Variants in PLEKHM3 observed in about 807,000 individuals in gnomAD.
The protein encoded by PLEKHM3 is pleckstrin homology domain-containing family M member 3.
Under a neutral mutation model 81.8 loss-of-function variants are expected in PLEKHM3, and 45 were observed. That is an observed-to-expected ratio of 0.55 (90% CI 0.43 to 0.71). PLEKHM3 has a LOEUF of 0.71. Ranked by LOEUF, PLEKHM3 falls within the 30% of genes least tolerant of loss-of-function variation. The pLI, the probability that PLEKHM3 is intolerant of heterozygous loss-of-function variation, is 0.00. For synonymous variants in PLEKHM3, 352 were observed against 356.4 expected (o/e 0.99, Z 0.14); for missense variants, 788 against 924.3 (o/e 0.85, Z 1.91).
chr2:207,934,035 C>A (rs1337596574), intron 4 of PLEKHM3, among the ~76,000 whole-genome samples: 1 of 152,054 alleles, frequency 6.6e-6, no homozygotes. Flanking sequence ...TTCCTAAGTT[C>A]TAAATGACCC....
intron 2 of PLEKHM3, among the ~76,000 whole-genome samples, chr2:207,978,930 C>G (rs1691424730): frequency 6.6e-6 from 1 of 152,162 alleles, no homozygotes; most frequent in Admixed American, 6.5e-5. Context: ...GCTGTCTTTC[C>G]TGCTGGACAA....
At chr2:207,851,264 G>C (rs1304246766) in intron 7 of PLEKHM3, 2 of 149,628 alleles carry the variant, frequency 1.3e-5, no homozygotes, top group Admixed American at 6.7e-5. Context: ...TCATTGTTTT[G>C]TCAAAATGTT....
At chr2:207,934,056 C>T (rs1313816905) in intron 4 of PLEKHM3, among the ~76,000 whole-genome samples, 2 of 152,076 alleles carry the variant, frequency 1.3e-5, no homozygotes, top group African/African-American at 4.8e-5. Context: ...TCCACACTGG[C>T]ATGAGGATTG....
At chr2:207,841,480 A>AAAAAAAAT (rs2092353214) in intron 7 of PLEKHM3, among the ~76,000 whole-genome samples, 2 of 37,428 alleles carry the variant, frequency 5.3e-5, no homozygotes, top group African/African-American at 1.2e-4. Flanking sequence ...AAAAAAAAAA[A>AAAAAAAAT]ATATATATAT....
intron 1 of PLEKHM3, among the ~76,000 whole-genome samples, chr2:208,014,207 C>T (rs1692798543): frequency 1.3e-5 from 2 of 152,200 alleles, no homozygotes; most frequent in South Asian, 4.1e-4. Context: ...AAAACACTGT[C>T]TCTGACCCTC....
At chr2:207,853,505 G>T (rs966173133) in intron 7 of PLEKHM3, among the ~76,000 whole-genome samples, 5 of 151,892 alleles carry the variant, frequency 3.3e-5, no homozygotes, top group Non-Finnish European at 1.5e-5. Flanking sequence ...AGGCTGAGGT[G>T]GGTGGATCAC....
Position 207,976,901 on chromosome 2 carries a change from A to T in PLEKHM3, c.1296T>A (p.Asp432Glu). The part of the protein sequence containing the change: ...DSCFQVIFPQ[D>E]VLRLRAETRQ... ...GGGTCTCAGCTCGGAGGCGAAGGAC[A>T]TCCTGGGGGAAAATGACTTGAAAGC... Residue 432 changes from aspartate (D) to glutamate (E), a missense_variant, in exon 3 of 8, where the codon GAT becomes GAA. Asp to Glu is a conservative substitution (Grantham distance 45). Transcript: ENST00000427836. This position sits in a 1 kb window ranked among gnomAD's most constrained non-coding sequence, Gnocchi z 4.1. 1 of 1,614,226 alleles carries T rather than the reference A, an allele frequency of 6.2e-7. No individual in the cohort carries two copies. Among genetic ancestry groups the T allele is most frequent in the Non-Finnish European group, 8.5e-7 (1 of 1,180,036 alleles).
intron 7 of PLEKHM3, among the ~76,000 whole-genome samples, chr2:207,857,161 A>G (rs1042856275): frequency 1.3e-4 from 20 of 152,220 alleles, no homozygotes; most frequent in African/African-American, 4.1e-4. Flanking sequence ...GGCTCTAACT[A>G]TAACAGTAAA....
chr2:207,889,623 C>CA (rs973324139), intron 6 of PLEKHM3, among the ~76,000 whole-genome samples: 4 of 152,124 alleles, frequency 2.6e-5, no homozygotes, highest in Admixed American at 2.6e-4. Context: ...CAAGCGTACT[C>CA]AAAGCTCAAA....
intron 6 of PLEKHM3, 131 bp from the exon 7 acceptor site, chr2:207,861,393 G>T: frequency 9.3e-7 from 1 of 1,071,562 alleles, no homozygotes; most frequent in Non-Finnish European, 1.3e-6. Flanking sequence ...CAGCAACTCT[G>T]AGGAAGAAAA....
Position 207,977,269 on chromosome 2 carries a change from C to A in PLEKHM3, c.928G>T (p.Ala310Ser). 1 of 1,614,172 alleles carries A rather than the reference C, an allele frequency of 6.2e-7. No homozygotes were observed. Among genetic ancestry groups the A allele is most frequent in the Non-Finnish European group, 8.5e-7 (1 of 1,180,036 alleles). The part of the protein sequence containing the change: ...GQKLWEVVHA[A>S]VPGYMGRQNE... Reference sequence around the variant, plus strand: ...TGCCGCCCCATGTAACCGGGCACAGCAGCATGCACTACTTCCCAAAGCTTC... The same window carrying A: ...TGCCGCCCCATGTAACCGGGCACAGAAGCATGCACTACTTCCCAAAGCTTC... The change falls in exon 3 of 8, where the codon GCT becomes TCT. Residue 310 changes from alanine (A) to serine (S), a missense_variant. Coordinates refer to ENST00000427836, the MANE Select transcript of PLEKHM3 (RefSeq NM_001080475.3).
chr2:207,855,529 C>T (rs1480847920), intron 7 of PLEKHM3, among the ~76,000 whole-genome samples: 1 of 152,182 alleles, frequency 6.6e-6, no homozygotes, highest in Non-Finnish European at 1.5e-5. Flanking sequence ...GTGTGGGCTA[C>T]ACATAGTGAC....
At chr2:207,872,340 T>A (rs1436602115) in intron 6 of PLEKHM3, among the ~76,000 whole-genome samples, 1 of 152,218 alleles carries the variant, frequency 6.6e-6, no homozygotes, top group Non-Finnish European at 1.5e-5. Context: ...TGATCTGAAC[T>A]GGATCTGCCT....
intron 6 of PLEKHM3, among the ~76,000 whole-genome samples, chr2:207,878,820 G>GT (rs900273862): frequency 6.6e-6 from 1 of 151,700 alleles, no homozygotes; most frequent in Non-Finnish European, 1.5e-5. Context: ...CTAGAGCTGG[G>GT]TTTTTTTTAT....
At chr2:207,911,856 C>T (rs755111354) in intron 5 of PLEKHM3, among the ~76,000 whole-genome samples, 9 of 152,096 alleles carry the variant, frequency 5.9e-5, no homozygotes, top group African/African-American at 1.2e-4. Context: ...AAATGATTTA[C>T]GGCAGGGACA....
intron 3 of PLEKHM3, among the ~76,000 whole-genome samples, chr2:207,972,155 A>G (rs1232368819): frequency 1.3e-5 from 2 of 152,324 alleles, no homozygotes; most frequent in African/African-American, 2.4e-5. Flanking sequence ...AGGTGCATCC[A>G]AGTTTCTGGG....
At chr2:207,889,829 A>T (rs1247310209) in intron 6 of PLEKHM3, among the ~76,000 whole-genome samples, 1 of 151,878 alleles carries the variant, frequency 6.6e-6, no homozygotes, top group African/African-American at 2.4e-5. Context: ...TTTGAGACAG[A>T]GTCTCGCTCT....
chr2:207,925,630 C>G lies in PLEKHM3; in HGVS notation c.1886+5296G>C, dbSNP rs376084156. Among the ~76,000 whole-genome samples the G allele has an allele frequency of 1.2e-4, 18 of 152,228 alleles. No individual in the cohort carries two copies. In the South Asian group the frequency reaches 3.1e-3, roughly 26 times the overall value. ...ACTTAACGCAGAGTTTATAATAAAC[C>G]ACCTCCATTTGTGTCCTCACTTTTT... On this transcript the variant is annotated intron_variant, in intron 5 of 7. Coordinates refer to ENST00000427836, the MANE Select transcript of PLEKHM3 (RefSeq NM_001080475.3).
At chr2:208,011,054 T>C (rs1224056726) in intron 1 of PLEKHM3, among the ~76,000 whole-genome samples, 5 of 131,748 alleles carry the variant, frequency 3.8e-5, no homozygotes, top group Non-Finnish European at 7.9e-5. Flanking sequence ...CCTGCAAGAA[T>C]GGCCATAATC....
Sources: allele counts gnomAD v4.1 joint callset (sites outside exome capture counted in the v4.1 genomes callset), GRCh38; gene constraint gnomAD v4.1.1; non-coding constraint Gnocchi (gnomAD v3.1); transcripts MANE v1.5; gene names NCBI Gene and HGNC (gene_info 2026-07-23, HGNC 2026-07-21).